CABLES1: variants seen among roughly 807,000 people sequenced by gnomAD.
CABLES1 encodes the protein Cdk5 and Abl enzyme substrate 1, also known as CDK5 and ABL1 enzyme substrate 1.
A neutral mutation model predicts 57.8 loss-of-function variants in CABLES1; 36 were observed. The observed-to-expected ratio is 0.62, with a 90% CI of 0.48 to 0.82. CABLES1 has a LOEUF of 0.82. CABLES1 is among the 40% of genes least tolerant of loss of function. CABLES1 has a pLI of 0.00. For synonymous variants in CABLES1, 374 were observed against 363.0 expected (o/e 1.03, Z -0.35); for missense variants, 767 against 836.6 (o/e 0.92, Z 1.03).
chr18:23,206,132 C>CGCCT (rs1384981814), intron 3 of CABLES1, among the ~76,000 whole-genome samples: 1 of 152,168 alleles, frequency 6.6e-6, no homozygotes, highest in Non-Finnish European at 1.5e-5. Context: ...CATCTGACAG[C>CGCCT]GCCTGCCTGC....
intron 2 of CABLES1, among the ~76,000 whole-genome samples, chr18:23,191,242 AAACTT>A (rs1448210713): frequency 6.6e-6 from 1 of 152,196 alleles, no homozygotes; most frequent in African/African-American, 2.4e-5. Flanking sequence ...TTAAAAAAGA[AAACTT>A]AAAAAAAAGA....
chr18:23,160,492 C>T (rs1056091231), intron 1 of CABLES1, among the ~76,000 whole-genome samples: 1 of 152,180 alleles, frequency 6.6e-6, no homozygotes, highest in Non-Finnish European at 1.5e-5. Context: ...CAGCGCCTGC[C>T]TCACGGCCCG....
At chr18:23,139,199 C>A (rs1256198538) in intron 1 of CABLES1, among the ~76,000 whole-genome samples, 1 of 151,922 alleles carries the variant, frequency 6.6e-6, no homozygotes, top group Non-Finnish European at 1.5e-5. Context: ...GTCAGGAGTT[C>A]AAGACCAGCC....
chr18:23,206,470 A>C (rs1029592168), intron 3 of CABLES1, among the ~76,000 whole-genome samples: 1 of 152,278 alleles, frequency 6.6e-6, no homozygotes, highest in African/African-American at 2.4e-5. Flanking sequence ...TTTAAGGCCC[A>C]TGAGTGATGG....
intron 1 of CABLES1, among the ~76,000 whole-genome samples, chr18:23,152,349 C>T (rs771579082): frequency 4.6e-5 from 7 of 152,118 alleles, no homozygotes; most frequent in Non-Finnish European, 8.8e-5. Context: ...GTCCTAATGG[C>T]TTGAGGTAAT....
Position 23,162,338 on chromosome 18 carries a change from T to G in CABLES1, c.845+25731T>G, listed in dbSNP as rs561835205. Among the ~76,000 whole-genome samples, 5 of 152,360 alleles carry G rather than the reference T, an allele frequency of 3.3e-5. No homozygotes were observed. The South Asian group carries it at 8.3e-4, about 25-fold the overall frequency. Reference sequence around the variant, plus strand: ...TGCTGTGTTCTCTTTAACCAAGACATTCATTATTAGCTTAGACAGCCAGTT... The same window carrying G: ...TGCTGTGTTCTCTTTAACCAAGACAGTCATTATTAGCTTAGACAGCCAGTT... On this transcript the variant is annotated intron_variant, in intron 1 of 9. Coordinates refer to ENST00000256925, the MANE Select transcript of CABLES1 (RefSeq NM_001100619.3).
chr18:23,173,222 G>A (rs2047095962), intron 1 of CABLES1, among the ~76,000 whole-genome samples: 1 of 152,334 alleles, frequency 6.6e-6, no homozygotes, highest in South Asian at 2.1e-4. Context: ...TGTGCTGAGC[G>A]GGCCCTGCTC....
At chr18:23,177,103 T>C (rs1177850452) in intron 1 of CABLES1, among the ~76,000 whole-genome samples, 1 of 152,106 alleles carries the variant, frequency 6.6e-6, no homozygotes, top group Non-Finnish European at 1.5e-5. Context: ...GTCCTTGTCT[T>C]GTGTTCGAAG....
intron 1 of CABLES1, among the ~76,000 whole-genome samples, chr18:23,182,771 A>G (rs1402619627): frequency 6.6e-6 from 1 of 152,206 alleles, no homozygotes; most frequent in African/African-American, 2.4e-5. Flanking sequence ...CTTCGGACTG[A>G]GCTGCTGCCC....
rs192680242 is a variant in CABLES1 at position 23,175,405 on chromosome 18, C to G, written c.846-13433C>G. 2.6e-5 allele frequency among the ~76,000 whole-genome samples: 4 copies of G among 152,324 alleles called. No individual in the cohort carries two copies. The South Asian group carries it at 8.3e-4, about 32-fold the overall frequency. On this transcript the variant is annotated intron_variant, in intron 1 of 9. Coordinates refer to ENST00000256925, the MANE Select transcript of CABLES1 (RefSeq NM_001100619.3). The stretch of plus-strand genomic sequence containing the variant: ...AGGTCCTGGCTTTCATTTTTGACCT[C>G]ATTCCTGGGCTTCTGCTGGCTTGCC...
chr18:23,217,405 C>CA (rs1268678511), intron 4 of CABLES1, among the ~76,000 whole-genome samples: 1 of 151,938 alleles, frequency 6.6e-6, no homozygotes, highest in Admixed American at 6.6e-5. Context: ...TTTTCTATAA[C>CA]AAAAAAATCT....
intron 3 of CABLES1, among the ~76,000 whole-genome samples, chr18:23,200,323 G>C (rs940045521): frequency 6.6e-6 from 1 of 150,696 alleles, no homozygotes; most frequent in Non-Finnish European, 1.5e-5. Flanking sequence ...GCAGTGGTGT[G>C]ATCTCGGCTC....
intron 1 of CABLES1, among the ~76,000 whole-genome samples, chr18:23,179,804 G>A (rs192832365): frequency 2.0e-4 from 30 of 152,376 alleles, no homozygotes; most frequent in African/African-American, 5.8e-4. Context: ...AGGGAAGGCC[G>A]TTTTGCTTTA....
intron 1 of CABLES1, among the ~76,000 whole-genome samples, chr18:23,172,545 A>G (rs2047090078): frequency 6.6e-6 from 1 of 152,188 alleles, no homozygotes; most frequent in Admixed American, 6.5e-5. Flanking sequence ...CACTTTCTGA[A>G]AACTTTGGTT....
intron 7 of CABLES1, among the ~76,000 whole-genome samples, chr18:23,237,476 C>T (rs1406091640): frequency 6.6e-6 from 1 of 152,266 alleles, no homozygotes; most frequent in Non-Finnish European, 1.5e-5. Context: ...TCCACAAAGT[C>T]ACCAGCTCAG....
intron 1 of CABLES1, among the ~76,000 whole-genome samples, chr18:23,186,586 T>C (rs1038580734): frequency 6.6e-6 from 1 of 151,934 alleles, no homozygotes; most frequent in Non-Finnish European, 1.5e-5. Flanking sequence ...CCACCACACC[T>C]GGCTAATTTT....
intron 3 of CABLES1, among the ~76,000 whole-genome samples, chr18:23,203,648 C>G (rs1230371228): frequency 6.6e-6 from 1 of 152,126 alleles, no homozygotes; most frequent in African/African-American, 2.4e-5. Flanking sequence ...CTCATCAGTT[C>G]CAAGCTGTCG....
At chr18:23,202,984 C>CAA (rs34495738) in intron 3 of CABLES1, among the ~76,000 whole-genome samples, 9 of 115,366 alleles carry the variant, frequency 7.8e-5, no homozygotes, top group African/African-American at 9.2e-5. Context: ...AAGACTCCAT[C>CAA]AAAAAAAAAA....
chr18:23,192,463 G>A (rs183638782), intron 2 of CABLES1, among the ~76,000 whole-genome samples: 3 of 152,218 alleles, frequency 2.0e-5, no homozygotes, highest in East Asian at 1.9e-4. Flanking sequence ...GCCATCCTTC[G>A]TCTGTGCTGG....
Sources: allele counts gnomAD v4.1 joint callset (sites outside exome capture counted in the v4.1 genomes callset), GRCh38; gene constraint gnomAD v4.1.1; transcripts MANE v1.5; gene names NCBI Gene and HGNC (gene_info 2026-07-23, HGNC 2026-07-21).